Variants in MYT1L observed in about 807,000 individuals in gnomAD.
MYT1L encodes myelin transcription factor 1 like, also known as myelin transcription factor 1-like protein.
MYT1L carries 12 observed loss-of-function variants against 126.7 expected under a neutral mutation model. The ratio of observed to expected loss-of-function variants is 0.09; its 90% confidence interval spans 0.06 to 0.15. MYT1L has a LOEUF of 0.15. MYT1L is among the 10% of genes least tolerant of loss of function. The pLI is 1.00. For synonymous variants in MYT1L, 541 were observed against 604.2 expected, an observed-to-expected ratio of 0.90 and a Z score of 1.53; for missense variants, 979 against 1,585.2, an observed-to-expected ratio of 0.62 and a Z score of 6.49.
chr2:2,297,753 G>A (rs1347660797), intron 1 of MYT1L, among the ~76,000 whole-genome samples: 1 of 152,040 alleles, frequency 6.6e-6, no homozygotes, highest in African/African-American at 2.4e-5. Context: ...GCCCTCCCAG[G>A]GAGGGAGGAC....
intron 23 of MYT1L, among the ~76,000 whole-genome samples, chr2:1,796,859 G>A (rs1178629596): frequency 1.3e-5 from 2 of 152,144 alleles, no homozygotes; most frequent in Non-Finnish European, 2.9e-5. Flanking sequence ...CACTCATGTG[G>A]TTCACACAAA....
At chr2:2,328,832 T>C (rs1365131208) in intron 1 of MYT1L, among the ~76,000 whole-genome samples, 1 of 152,222 alleles carries the variant, frequency 6.6e-6, no homozygotes, top group Non-Finnish European at 1.5e-5. Flanking sequence ...AAAATATGTG[T>C]ATAATGGCAG....
At chr2:1,823,584 G>A (rs1311906107) in intron 21 of MYT1L, among the ~76,000 whole-genome samples, 1 of 150,550 alleles carries the variant, frequency 6.6e-6, no homozygotes, top group Non-Finnish European at 1.5e-5. Context: ...ACGAGGCTGG[G>A]TGCCTGCAGG....
At chr2:2,304,078 T>A (rs1227412402) in intron 1 of MYT1L, 1 of 152,166 alleles carries the variant, frequency 6.6e-6, no homozygotes, top group Non-Finnish European at 1.5e-5. Flanking sequence ...AAAAAGACAC[T>A]GAAAAATAAA....
intron 1 of MYT1L, among the ~76,000 whole-genome samples, chr2:2,292,377 G>A (rs1000373646): frequency 3.3e-5 from 5 of 152,228 alleles, no homozygotes; most frequent in Non-Finnish European, 7.3e-5. Flanking sequence ...AAAAGTCCTT[G>A]TGAAATGCAC....
At chr2:1,876,593 G>A (rs754798911) in intron 18 of MYT1L, among the ~76,000 whole-genome samples, 19 of 152,090 alleles carry the variant, frequency 1.2e-4, no homozygotes, top group Non-Finnish European at 2.2e-4. Context: ...CCTGGATGCT[G>A]TTCGCCCACA....
intron 3 of MYT1L, among the ~76,000 whole-genome samples, chr2:2,084,987 C>T (rs2150343604): frequency 6.6e-6 from 1 of 152,278 alleles, no homozygotes; most frequent in South Asian, 2.1e-4. Flanking sequence ...CAGCCCTCCT[C>T]ACCCTCCAAT....
chr2:2,000,783 G>A (rs1448377829), intron 4 of MYT1L, among the ~76,000 whole-genome samples: 2 of 152,168 alleles, frequency 1.3e-5, no homozygotes, highest in South Asian at 2.1e-4. Context: ...GGCCCTGCAT[G>A]TCAGAAATAT....
chr2:2,024,201 G>A (rs756103937), intron 4 of MYT1L, among the ~76,000 whole-genome samples: 4 of 151,992 alleles, frequency 2.6e-5, no homozygotes, highest in Non-Finnish European at 2.9e-5. Flanking sequence ...CCTCTTGTAG[G>A]CGTCTTGGAA....
chr2:2,194,344 G>T (rs1055046051), intron 2 of MYT1L, among the ~76,000 whole-genome samples: 14 of 152,298 alleles, frequency 9.2e-5, no homozygotes, highest in Middle Eastern at 3.4e-3. Context: ...GGGATTATAA[G>T]AGTGAGCCAC....
chr2:2,329,707 A>G (rs1459392133), intron 1 of MYT1L, among the ~76,000 whole-genome samples: 1 of 152,194 alleles, frequency 6.6e-6, no homozygotes, highest in Non-Finnish European at 1.5e-5. Context: ...CAATCAAGTA[A>G]AGTACCATCA....
intron 3 of MYT1L, among the ~76,000 whole-genome samples, chr2:2,139,741 G>C (rs1473275502): frequency 6.6e-6 from 1 of 152,140 alleles, no homozygotes; most frequent in Non-Finnish European, 1.5e-5. Flanking sequence ...TCATGTTATG[G>C]CTGAAGACTG....
chr2:1,967,687 G>A (rs534587381), intron 8 of MYT1L, among the ~76,000 whole-genome samples: 2 of 152,320 alleles, frequency 1.3e-5, no homozygotes, highest in African/African-American at 4.8e-5. Flanking sequence ...GACTGGAGCT[G>A]GAGGAAGAAA....
intron 8 of MYT1L, among the ~76,000 whole-genome samples, chr2:1,952,472 C>T (rs1009195164): frequency 3.3e-5 from 5 of 152,068 alleles, no homozygotes; most frequent in Non-Finnish European, 7.4e-5. Context: ...ATGGGAGGCT[C>T]GCATGCACGT....
chr2:1,832,994 G>T (rs2040388042), intron 21 of MYT1L, among the ~76,000 whole-genome samples: 4 of 152,214 alleles, frequency 2.6e-5, no homozygotes, highest in Admixed American at 6.5e-5. Flanking sequence ...GCTGGTGGAG[G>T]CATGTCTGTC....
rs553145125 is a variant in MYT1L, at chr2:2,058,586, G to C, written c.-303-4463C>G. On this transcript the variant is annotated intron_variant, in intron 3 of 24. Coordinates refer to ENST00000647738, the MANE Select transcript of MYT1L (RefSeq NM_001303052.2). ...ATCACAAGAGTCTAGAATTGTGCCT[G>C]GCACACACTAATGATCAACAAATTT... Among the ~76,000 whole-genome samples, 47 of 152,222 alleles carry C rather than the reference G, an allele frequency of 3.1e-4. No homozygotes were observed. The East Asian group carries it at 8.9e-3, about 29-fold the overall frequency.
At chr2:1,861,503 C>CTT (rs34596674) in intron 18 of MYT1L, among the ~76,000 whole-genome samples, 49 of 144,462 alleles carry the variant, frequency 3.4e-4, no homozygotes, top group Non-Finnish European at 4.7e-4. Context: ...GTTTGTGAAT[C>CTT]TTTTTTTTTT....
chr2:2,088,763 G>A (rs886355116), intron 3 of MYT1L, among the ~76,000 whole-genome samples: 4 of 152,102 alleles, frequency 2.6e-5, no homozygotes, highest in Non-Finnish European at 4.4e-5. Context: ...TTTAAAGAAA[G>A]AATGCAGTCA....
intron 8 of MYT1L, among the ~76,000 whole-genome samples, chr2:1,968,435 G>A (rs2059552735): frequency 6.6e-6 from 1 of 152,172 alleles, no homozygotes; most frequent in South Asian, 2.1e-4. Flanking sequence ...CTCCTCCCTA[G>A]AGTTTCAGGA....
Sources: gnomAD v4.1 joint callset for allele counts (sites outside exome capture counted in the v4.1 genomes callset) on GRCh38, gnomAD v4.1.1 for gene constraint, MANE v1.5 for transcripts, NCBI Gene and HGNC (gene_info 2026-07-23, HGNC 2026-07-21) for gene names.